Variants in SEMA5A observed in about 807,000 individuals in gnomAD.
SEMA5A encodes semaphorin-5A.
SEMA5A carries 55 observed loss-of-function variants against 135.5 expected under a neutral mutation model. The ratio of observed to expected loss-of-function variants is 0.41; its 90% CI spans 0.33 to 0.51. The LOEUF is 0.51. SEMA5A is among the 20% of genes least tolerant of loss of function. The pLI is 0.37. For synonymous variants in SEMA5A, 580 were observed against 546.5 expected, an observed-to-expected ratio of 1.06 and a Z score of -0.85; for missense variants, 1,290 against 1,419.9, an observed-to-expected ratio of 0.91 and a Z score of 1.47.
intron 1 of SEMA5A, chr5:9,516,666 GC>G: frequency 6.6e-6 from 1 of 152,316 alleles, no homozygotes; most frequent in South Asian, 2.1e-4. Context: ...CTTCATCAAA[GC>G]ATCCTGGAAC....
Position 9,088,637 on chromosome 5 carries a change from A to AATATATATATATATATATATAT in SEMA5A, c.2073+19481_2073+19502dup, listed in dbSNP as rs71611400. ...GCAGCAGCAGGAAGCCTACATTTAT[A>AATATATATATATATATATATAT]ATATATATATATATATATATATACA... On this transcript the variant is annotated intron_variant, in intron 16 of 22. Transcript: ENST00000382496. Among the ~76,000 whole-genome samples, 204 of 107,016 alleles carry AATATATATATATATATATATAT rather than the reference A, an allele frequency of 1.9e-3. 1 individual carries two copies. Among genetic ancestry groups the AATATATATATATATATATATAT allele is most frequent in the Non-Finnish European group, 2.3e-3 (125 of 53,320 alleles). The allele number at this position is 107,016 out of a possible 152,430, so 70.2% of individuals were successfully genotyped here.
chr5:9,447,610 G>A (rs961551916), intron 1 of SEMA5A, among the ~76,000 whole-genome samples: 1 of 152,032 alleles, frequency 6.6e-6, no homozygotes, highest in Non-Finnish European at 1.5e-5. Flanking sequence ...TTTTATAGAG[G>A]ACTTAACACT....
At chr5:9,425,160 G>A (rs138352563) in intron 2 of SEMA5A, among the ~76,000 whole-genome samples, 3,636 of 152,182 alleles carry the variant, frequency 0.024, 54 homozygotes, top group South Asian at 0.04. Flanking sequence ...ATCCAAAGTT[G>A]TCCCCTGTTC....
At chr5:9,179,792 T>C (rs1225117428) in intron 11 of SEMA5A, among the ~76,000 whole-genome samples, 1 of 152,216 alleles carries the variant, frequency 6.6e-6, no homozygotes, top group East Asian at 1.9e-4. Context: ...ACCAGGCTAC[T>C]CTTTAAATTT....
intron 5 of SEMA5A, among the ~76,000 whole-genome samples, chr5:9,238,671 T>C (rs1748039811): frequency 6.6e-6 from 1 of 151,848 alleles, no homozygotes; most frequent in Middle Eastern, 3.5e-3. Flanking sequence ...TCGTGAATAG[T>C]TTTTTGCGCA....
intron 19 of SEMA5A, among the ~76,000 whole-genome samples, chr5:9,052,897 T>A (rs946155098): frequency 2.0e-5 from 3 of 152,204 alleles, no homozygotes; most frequent in African/African-American, 7.2e-5. Flanking sequence ...TTCCCCTTTT[T>A]AAATAGAAGC....
At chr5:9,524,121 G>A (rs1736990119) in intron 1 of SEMA5A, among the ~76,000 whole-genome samples, 2 of 152,158 alleles carry the variant, frequency 1.3e-5, no homozygotes, top group Non-Finnish European at 2.9e-5. Context: ...AAATCTGGTT[G>A]TTGAAAAGTA....
At chr5:9,480,866 A>G (rs991941823) in intron 1 of SEMA5A, among the ~76,000 whole-genome samples, 1 of 152,216 alleles carries the variant, frequency 6.6e-6, no homozygotes, top group African/African-American at 2.4e-5. Context: ...ACACATAGAT[A>G]TGCTCAGTTT....
At chr5:9,507,828 C>A (rs1455392154) in intron 1 of SEMA5A, among the ~76,000 whole-genome samples, 1 of 151,898 alleles carries the variant, frequency 6.6e-6, no homozygotes, top group South Asian at 2.1e-4. Context: ...CATGGTGAAA[C>A]CCCGTCTCTT....
chr5:9,054,305 C>A, intron 18 of SEMA5A, 48 bp from the exon 19 acceptor site: 2 of 1,573,136 alleles, frequency 1.3e-6, no homozygotes, highest in South Asian at 1.2e-5. Context: ...CAATCCCAAC[C>A]AAGTGAAAGG....
Position 9,154,611 on chromosome 5 carries a change from T to C in SEMA5A, c.1358A>G (p.Glu453Gly), listed in dbSNP as rs1202335838. Residue 453 changes from glutamate to glycine, a missense_variant, in exon 12 of 23, where the codon GAG (glutamate) becomes GGG (glycine). Physicochemically the swap from Glu to Gly is moderately conservative, Grantham distance 98. Coordinates refer to ENST00000382496, the MANE Select transcript of SEMA5A (RefSeq NM_003966.3). ...CLLEEIELFP[E>G]RRREPIRSLQ... ...GCTCCTGATGGGCTCCCTCCGCCTC[T>C]CAGGGAAGAGCTCAATCTCTTCCAG... 3.1e-6 allele frequency: 5 copies of C among 1,614,102 alleles called. No homozygotes were observed. The highest frequency in any genetic ancestry group is 4.2e-6 in the Non-Finnish European group (5 of 1,180,022).
intron 12 of SEMA5A, among the ~76,000 whole-genome samples, chr5:9,139,810 C>T (rs1741965182): frequency 6.6e-6 from 1 of 152,092 alleles, no homozygotes; most frequent in Admixed American, 6.5e-5. Flanking sequence ...TTAAATCTTC[C>T]CAACTTAAAG....
intron 16 of SEMA5A, among the ~76,000 whole-genome samples, chr5:9,070,292 A>G (rs1737704430): frequency 6.6e-6 from 1 of 152,132 alleles, no homozygotes; most frequent in Admixed American, 6.5e-5. Flanking sequence ...AATTGCTTGA[A>G]TCTGGGAGGC....
intron 1 of SEMA5A, among the ~76,000 whole-genome samples, chr5:9,544,160 A>G (rs962451758): frequency 1.3e-5 from 2 of 152,166 alleles, no homozygotes; most frequent in African/African-American, 4.8e-5. Context: ...TGCTGATTCC[A>G]AACTCAGCCA....
In SEMA5A at chr5:9,356,798, T is replaced by A. The variant is rs377682663; in HGVS notation, c.125-18986A>T. 7.2e-5 allele frequency among the ~76,000 whole-genome samples: 11 copies of A among 152,292 alleles called. No homozygotes were observed. The East Asian group carries it at 1.2e-3, about 16-fold the overall frequency. On this transcript the variant is annotated intron_variant, in intron 3 of 22. Transcript: ENST00000382496. ...AGCAGCTCTGTGTTATGAGCAAAAT[T>A]ACAAGTGACCCATCAAATAAAGCAG...
chr5:9,504,659 C>A (rs1271824819), intron 1 of SEMA5A, among the ~76,000 whole-genome samples: 1 of 152,154 alleles, frequency 6.6e-6, no homozygotes, highest in Non-Finnish European at 1.5e-5. Flanking sequence ...AGCACAGAAC[C>A]CTTCCTAAAG....
chr5:9,222,351 T>G (rs185235178), intron 8 of SEMA5A, among the ~76,000 whole-genome samples: 50 of 152,188 alleles, frequency 3.3e-4, no homozygotes, highest in African/African-American at 9.2e-4. Context: ...TAGCAGAAAG[T>G]GCCCTAACAA....
At chr5:9,053,158 T>C (rs1736686402) in intron 19 of SEMA5A, among the ~76,000 whole-genome samples, 1 of 152,238 alleles carries the variant, frequency 6.6e-6, no homozygotes, top group East Asian at 1.9e-4. Flanking sequence ...TTCCAGGTCA[T>C]TCCTTCATGT....
rs551285747 is a variant in SEMA5A, at chr5:9,469,158, G to A, written c.-174-31306C>T. 3.9e-4 allele frequency among the ~76,000 whole-genome samples: 60 copies of A among 152,136 alleles called. No homozygotes were observed. In the East Asian group the frequency reaches 4.8e-3, roughly 12 times the overall value. On this transcript the variant is annotated intron_variant, in intron 1 of 22. Transcript: ENST00000382496. The stretch of plus-strand genomic sequence containing the variant: ...TGAGTAGCTGGGACTACAGGCGCCC[G>A]CCACCACTCCTGGCTAATCTTTGTA...
Sources: gnomAD v4.1 joint callset for allele counts (sites outside exome capture counted in the v4.1 genomes callset) on GRCh38, gnomAD v4.1.1 for gene constraint, MANE v1.5 for transcripts, NCBI Gene and HGNC (gene_info 2026-07-23, HGNC 2026-07-21) for gene names.